HNRNPH1: variants seen among roughly 807,000 people sequenced by gnomAD.
The protein encoded by HNRNPH1 is heterogeneous nuclear ribonucleoprotein H1, also known as heterogeneous nuclear ribonucleoprotein H.
HNRNPH1 carries 4 observed loss-of-function variants against 58.6 expected under a neutral mutation model. That is an observed-to-expected ratio of 0.07 (90% CI 0.03 to 0.16). The LOEUF (loss-of-function observed/expected upper bound fraction) is 0.16, where lower values mean the gene tolerates loss of function less well. HNRNPH1 is among the 10% of genes least tolerant of loss of function. The pLI is 1.00. For missense variants in HNRNPH1, 271 were observed against 564.2 expected, an observed-to-expected ratio of 0.48 and a Z score of 5.26; for synonymous variants, 192 against 189.2, an observed-to-expected ratio of 1.01 and a Z score of -0.12.
chr5:179,614,937 G>T, exon 13 of HNRNPH1: 3 of 1,547,464 alleles, frequency 1.9e-6, no homozygotes, highest in Non-Finnish European at 2.6e-6. Context: ...TGTAGTAGCT[G>T]CTGTTCACTG....
exon 1 of HNRNPH1, chr5:179,623,791 G>C (rs886801256): frequency 6.6e-6 from 1 of 152,404 alleles, no homozygotes; most frequent in Non-Finnish European, 1.5e-5. Flanking sequence ...GTAATTTCAA[G>C]AGCCAGCCCA....
chr5:179,619,028 C>G (rs1386671279), intron 4 of HNRNPH1: 1 of 320,712 alleles, frequency 3.1e-6, no homozygotes, highest in Non-Finnish European at 5.7e-6. Context: ...TCTCTCAACT[C>G]TATTGATTGG....
At chr5:179,631,826 G>A (rs961595583) in intron 2 of HNRNPH1, among the ~76,000 whole-genome samples, 8 of 152,174 alleles carry the variant, frequency 5.3e-5, no homozygotes, top group African/African-American at 1.9e-4. Context: ...GTTGAGGTGG[G>A]AGGATCGCTT....
intron 1 of HNRNPH1, 71 bp downstream of exon 2, chr5:179,622,966 C>A (rs1773416251): frequency 5.0e-6 from 1 of 199,556 alleles, no homozygotes; most frequent in Non-Finnish European, 1.0e-5. Context: ...CGCCCCGCCC[C>A]AGCCCGGCCG....
At chr5:179,621,604 A>G in intron 1 of HNRNPH1, 1 of 571,502 alleles carries the variant, frequency 1.7e-6, no homozygotes, top group East Asian at 2.9e-5. Flanking sequence ...ACCCATCAAC[A>G]ACATACAATA....
At chr5:179,622,084 G>A (rs970073893) in intron 1 of HNRNPH1, 26 of 441,134 alleles carry the variant, frequency 5.9e-5, no homozygotes, top group African/African-American at 3.5e-4. Flanking sequence ...TCTAATAATA[G>A]GAACAAGGAC....
chr5:179,617,233 G>T, intron 8 of HNRNPH1, 123 bp from the exon 10 acceptor site: 1 of 966,492 alleles, frequency 1.0e-6, no homozygotes, highest in Non-Finnish European at 1.6e-6. Flanking sequence ...AGAAATTCTA[G>T]CTACTTCTCT....
rs1433465107 is a variant in HNRNPH1 at position 179,620,824 on chromosome 5, C to T, written c.397+68G>A. Reference sequence around the variant, plus strand: ...AAATACCTAAGCTACTCAACTTTAACGTCTATTAAATCACCTTGCCATAAG... The same window carrying T: ...AAATACCTAAGCTACTCAACTTTAATGTCTATTAAATCACCTTGCCATAAG... On this transcript the variant is annotated intron_variant, in intron 3 of 12. Transcript: ENST00000356731. 26 of 1,416,320 alleles carry T rather than the reference C, an allele frequency of 1.8e-5. No homozygotes were observed. In the Admixed American group the frequency reaches 2.5e-4, roughly 14 times the overall value. The allele number at this position is 1,416,320 out of a possible 1,614,324, so 87.7% of individuals were successfully genotyped here.
intron 1 of HNRNPH1, chr5:179,621,656 C>T (rs985526561): frequency 3.3e-5 from 16 of 492,208 alleles, no homozygotes; most frequent in Non-Finnish European, 5.1e-5. Context: ...TTAGTCCTTG[C>T]TACTCATGTC....
intron 2 of HNRNPH1, among the ~76,000 whole-genome samples, chr5:179,632,881 C>G (rs1774968885): frequency 1.1e-5 from 1 of 92,858 alleles, no homozygotes. Flanking sequence ...TTTTTTGAGA[C>G]GGAGTCCTGC....
At chr5:179,622,275 C>T (rs993164636) in intron 1 of HNRNPH1, among the ~76,000 whole-genome samples, 7 of 152,190 alleles carry the variant, frequency 4.6e-5, no homozygotes, top group Admixed American at 1.3e-4. Context: ...GAAGAATGCT[C>T]CTTTTTAAGA....
intron 12 of HNRNPH1, 105 bp from the exon 14 acceptor site, chr5:179,615,064 C>A: frequency 2.7e-6 from 2 of 735,976 alleles, no homozygotes; most frequent in South Asian, 1.6e-5. Context: ...GTACAAATGG[C>A]TGCTGTCCAA....
chr5:179,622,525 A>G (rs954763522), intron 1 of HNRNPH1, among the ~76,000 whole-genome samples: 3 of 152,136 alleles, frequency 2.0e-5, no homozygotes, highest in Non-Finnish European at 1.5e-5. Flanking sequence ...AGCCTGGCCA[A>G]AATAGTGAAA....
chr5:179,617,063 C>T lies in HNRNPH1; in HGVS notation c.1105G>A (p.Gly369Ser), dbSNP rs1308577273. Residue 369 changes from glycine (G) to serine (S), a missense_variant, in exon 9 of 13, where the codon GGT (glycine) becomes AGT (serine). Coordinates refer to ENST00000356731, the Ensembl canonical transcript of HNRNPH1. ...AGCATTTGGCTACCGTAAGCACCAC[C>T]GCTTGCTCCTGCTGTAGAATTCAAG... 4.3e-6 allele frequency: 7 copies of T among 1,613,962 alleles called. No individual in the cohort carries two copies. Among genetic ancestry groups the T allele is most frequent in the African/African-American group, 2.7e-5 (2 of 74,880 alleles).
At position 179,622,340 on chromosome 5, in the gene HNRNPH1, T is replaced by C. The variant is rs1772853352; in HGVS notation, c.97+697A>G. On this transcript the variant is annotated intron_variant, in intron 1 of 12. Coordinates refer to ENST00000356731, the Ensembl canonical transcript of HNRNPH1. ...ACTTCAAGATATTGCAAAACATTAC[T>C]ATTATTTGTCTAATCACTCGGCCAT... Among the ~76,000 whole-genome samples, 11 of 152,226 alleles carry C rather than the reference T, an allele frequency of 7.2e-5. 1 individual carries two copies. The South Asian group carries it at 2.3e-3, about 32-fold the overall frequency.
At chr5:179,615,040 T>A in intron 12 of HNRNPH1, 81 bp from the exon 14 acceptor site, 1 of 889,428 alleles carries the variant, frequency 1.1e-6, no homozygotes. Flanking sequence ...AGAAAAAGTT[T>A]AAAAAGTATA....
Position 179,624,391 on chromosome 5 carries a change from T to A in HNRNPH1, c.-1258A>T, listed in dbSNP as rs146041127. ...GTGGCTCGCGCCTGTACCCAGCTTT[T>A]GCCTAACGAATTCGCACCCTGTGTA... On this transcript the variant is annotated 5_prime_UTR_variant, in exon 1 of 13. Coordinates refer to ENST00000356731, the Ensembl canonical transcript of HNRNPH1. The A allele has an allele frequency of 5.3e-5, 21 of 396,998 alleles. No individual in the cohort carries two copies. The East Asian group carries it at 7.1e-4, about 13-fold the overall frequency. 24.6% of individuals were successfully genotyped at this position (396,998 alleles called of 1,614,324 possible).
chr5:179,623,638 A>C (rs1024856801), exon 1 of HNRNPH1: 1 of 153,688 alleles, frequency 6.5e-6, no homozygotes, highest in Admixed American at 6.5e-5. Context: ...CGACTCACCT[A>C]GACACGCGAC....
intron 2 of HNRNPH1, among the ~76,000 whole-genome samples, chr5:179,632,749 A>ATTTTTTT (rs1363605164): frequency 1.2e-5 from 1 of 84,296 alleles, no homozygotes; most frequent in Admixed American, 1.9e-4. Flanking sequence ...GCCAAATCAA[A>ATTTTTTT]TATCTTTTTT....
Sources: gnomAD v4.1 joint callset for allele counts (sites outside exome capture counted in the v4.1 genomes callset) on GRCh38, gnomAD v4.1.1 for gene constraint, MANE v1.5 for transcripts, NCBI Gene and HGNC (gene_info 2026-07-23, HGNC 2026-07-21) for gene names.